TRAT1: variants seen among roughly 807,000 people sequenced by gnomAD.
The protein encoded by TRAT1 is T-cell receptor-associated transmembrane adapter 1.
Under a neutral mutation model 20.0 loss-of-function variants are expected in TRAT1, and 20 were observed. The ratio of observed to expected loss-of-function variants is 1.00; its 90% CI spans 0.70 to 1.45. The LOEUF (loss-of-function observed/expected upper bound fraction) is 1.45. TRAT1 is among the 40% of genes most tolerant of loss of function. The pLI is 0.00. For missense variants in TRAT1, 237 were observed against 224.1 expected (o/e 1.06, Z -0.37); for synonymous variants, 77 against 74.2 (o/e 1.04, Z -0.20).
At chr3:108,842,014 T>C (rs974604243) in intron 3 of TRAT1, among the ~76,000 whole-genome samples, 1 of 152,138 alleles carries the variant, frequency 6.6e-6, no homozygotes, top group African/African-American at 2.4e-5. Context: ...TTACAGAGGG[T>C]AGTTGACTAA....
At chr3:108,841,982 G>A (rs185619403) in intron 3 of TRAT1, among the ~76,000 whole-genome samples, 2 of 152,056 alleles carry the variant, frequency 1.3e-5, no homozygotes, top group Non-Finnish European at 2.9e-5. Context: ...TGAAGAATAA[G>A]GTTTATAATA....
rs138442609 is a variant in TRAT1 at position 108,849,205 on chromosome 3, G to A, written c.254G>A (p.Arg85Gln). ...DENCYEQMKA[R>Q]PEKSVNKMQE... ...AATTGCTATGAACAAATGAAAGCCC[G>A]ACCAGAGAAATCTGTAAATAAGATG... The change falls in exon 5 of 6, where the codon CGA becomes CAA. Residue 85 changes from arginine (R) to glutamine (Q), a missense_variant. Arg to Gln is a conservative substitution (Grantham distance 43). Coordinates refer to ENST00000295756, the MANE Select transcript of TRAT1 (RefSeq NM_016388.4). 3.9e-5 allele frequency: 63 copies of A among 1,614,008 alleles called. No homozygotes were observed. Among genetic ancestry groups the A allele is most frequent in the South Asian group, 2.9e-4 (26 of 91,062 alleles).
chr3:108,827,376 ATGTGTGTATGTG>A (rs1436939936), intron 1 of TRAT1, among the ~76,000 whole-genome samples: 1 of 108,950 alleles, frequency 9.2e-6, no homozygotes, highest in South Asian at 4.9e-4. Context: ...GGTATAAAGT[ATGTGTGTATGTG>A]TGTGTGTGTG....
At chr3:108,843,521 T>C (rs1303157264) in intron 3 of TRAT1, among the ~76,000 whole-genome samples, 4 of 151,912 alleles carry the variant, frequency 2.6e-5, no homozygotes, top group Non-Finnish European at 5.9e-5. Context: ...AGAGCAAGAC[T>C]CCGTCTCAAA....
intron 3 of TRAT1, 94 bp from the exon 4 acceptor site, chr3:108,846,974 A>G: frequency 2.3e-6 from 2 of 885,506 alleles, no homozygotes; most frequent in South Asian, 1.5e-5. Context: ...AGAATAGGCA[A>G]TAGTTCACTT....
chr3:108,846,382 G>A (rs1285218954), intron 3 of TRAT1, among the ~76,000 whole-genome samples: 2 of 152,132 alleles, frequency 1.3e-5, no homozygotes, highest in Non-Finnish European at 2.9e-5. Flanking sequence ...TGAATCTCAG[G>A]GTTCTCCCCT....
intron 3 of TRAT1, among the ~76,000 whole-genome samples, chr3:108,846,345 A>G (rs972253646): frequency 2.0e-5 from 3 of 152,216 alleles, no homozygotes; most frequent in Non-Finnish European, 4.4e-5. Flanking sequence ...AGTTGAGATC[A>G]GCCTAGGGAA....
intron 4 of TRAT1, among the ~76,000 whole-genome samples, chr3:108,848,415 C>T (rs1308223878): frequency 1.3e-5 from 2 of 152,232 alleles, no homozygotes; most frequent in Non-Finnish European, 2.9e-5. Flanking sequence ...GTACAATCCA[C>T]ACTTCTGTCA....
rs141932942 is a variant in TRAT1, at chr3:108,825,877, G to A, written c.7+2943G>A. On this transcript the variant is annotated intron_variant, in intron 1 of 5. Transcript: ENST00000295756. ...CCATACAACCATGCCATCTTCAGAG[G>A]ATCTTACTAAGGTTCTTCTCAAATA... Among the ~76,000 whole-genome samples the A allele has an allele frequency of 2.4e-3, 358 of 152,174 alleles. 1 individual carries two copies. Among genetic ancestry groups the A allele is most frequent in the Middle Eastern group, 0.014 (4 of 294 alleles).
intron 2 of TRAT1, among the ~76,000 whole-genome samples, chr3:108,836,067 ATG>A (rs1945838457): frequency 1.3e-5 from 2 of 151,944 alleles, no homozygotes; most frequent in Admixed American, 6.6e-5. Flanking sequence ...CTACAGGCGC[ATG>A]CCACCATGCC....
At chr3:108,852,360 G>A (rs1262877154) in intron 5 of TRAT1, among the ~76,000 whole-genome samples, 2 of 151,156 alleles carry the variant, frequency 1.3e-5, no homozygotes, top group Non-Finnish European at 2.9e-5. Flanking sequence ...CAGCCTGGGT[G>A]ACAAGAGCGA....
chr3:108,822,792 G>T lies in TRAT1; in HGVS notation c.-136G>T. ...AGAAGAGAAAAGAATCCGAGGCACA[G>T]ATAAAGATAAGTTTTACTGTCATGC... On this transcript the variant is annotated 5_prime_UTR_variant, in exon 1 of 6. Transcript: ENST00000295756. 1 of 633,546 alleles carries T rather than the reference G, an allele frequency of 1.6e-6. No individual in the cohort carries two copies. The highest frequency in any genetic ancestry group is 2.6e-5 in the South Asian group (1 of 38,998). 39.2% of individuals were successfully genotyped at this position (633,546 alleles called of 1,614,324 possible). A position where few individuals can be genotyped will look rare whatever the true frequency, so the allele number is the denominator to read the frequency against.
At chr3:108,847,585 G>A (rs1450361670) in intron 4 of TRAT1, among the ~76,000 whole-genome samples, 1 of 152,190 alleles carries the variant, frequency 6.6e-6, no homozygotes, top group Non-Finnish European at 1.5e-5. Flanking sequence ...TTGATGGCAG[G>A]TGGGAGAAAG....
At chr3:108,830,519 T>C (rs1945782900) in intron 1 of TRAT1, 151 bp from the exon 2 acceptor site, 1 of 553,180 alleles carries the variant, frequency 1.8e-6, no homozygotes, top group East Asian at 2.8e-5. Flanking sequence ...CTTTGAAAAC[T>C]GAAAAAAGTT....
At chr3:108,826,211 A>G (rs1945737452) in intron 1 of TRAT1, among the ~76,000 whole-genome samples, 1 of 136,252 alleles carries the variant, frequency 7.3e-6, no homozygotes, top group Admixed American at 7.8e-5. Context: ...CAGTTTTACA[A>G]TTGTCTTAGT....
intron 3 of TRAT1, among the ~76,000 whole-genome samples, chr3:108,844,131 TA>T (rs959388011): frequency 2.0e-5 from 3 of 152,346 alleles, no homozygotes; most frequent in Admixed American, 6.5e-5. Context: ...CTCAGGCCCT[TA>T]AAATAGATTT....
chr3:108,854,750 T>C lies in TRAT1; in HGVS notation c.*873T>C, dbSNP rs1015916894. Reference sequence around the variant, plus strand: ...TAATGTCTGCTTAGCACCCCACTGATAACCAAATCACAGTTTATTTAAATA... The same window carrying C: ...TAATGTCTGCTTAGCACCCCACTGACAACCAAATCACAGTTTATTTAAATA... On this transcript the variant is annotated 3_prime_UTR_variant, in exon 6 of 6. Coordinates refer to ENST00000295756, the MANE Select transcript of TRAT1 (RefSeq NM_016388.4). The C allele has an allele frequency of 6.6e-6, 1 of 152,152 alleles. No individual in the cohort carries two copies. Among genetic ancestry groups the C allele is most frequent in the African/African-American group, 2.4e-5 (1 of 41,458 alleles). The allele number at this position is 152,152 out of a possible 1,614,324, so 9.4% of individuals were successfully genotyped here. A position where few individuals can be genotyped will look rare whatever the true frequency, so the allele number is the denominator to read the frequency against.
intron 3 of TRAT1, among the ~76,000 whole-genome samples, chr3:108,845,403 T>C (rs1175977206): frequency 6.6e-6 from 1 of 152,350 alleles, no homozygotes; most frequent in African/African-American, 2.4e-5. Context: ...TGGATTGTCT[T>C]ATTAAAAATT....
chr3:108,833,247 A>G (rs527488054), intron 2 of TRAT1, among the ~76,000 whole-genome samples: 13 of 152,242 alleles, frequency 8.5e-5, no homozygotes, highest in Middle Eastern at 3.4e-3. Context: ...GAGAAACTCC[A>G]TCTCTACTAA....
Sources: allele counts gnomAD v4.1 joint callset (sites outside exome capture counted in the v4.1 genomes callset), GRCh38; gene constraint gnomAD v4.1.1; transcripts MANE v1.5; gene names NCBI Gene and HGNC (gene_info 2026-07-23, HGNC 2026-07-21).